CDKAL1: variants seen among roughly 807,000 people sequenced by gnomAD.
CDKAL1 encodes threonylcarbamoyladenosine tRNA methylthiotransferase.
In CDKAL1, 32 loss-of-function variants were observed where a neutral mutation model predicts 68.2. The ratio of observed to expected loss-of-function variants is 0.47; its 90% CI spans 0.35 to 0.63. CDKAL1 has a LOEUF of 0.63. Among genes scored for constraint, CDKAL1 ranks in the 30% least tolerant of loss-of-function variants. The pLI is 0.00. For synonymous variants in CDKAL1, 234 were observed against 244.3 expected, an observed-to-expected ratio of 0.96 and a Z score of 0.39; for missense variants, 606 against 696.7, an observed-to-expected ratio of 0.87 and a Z score of 1.47.
chr6:20,569,333 G>A (rs1764605266), intron 4 of CDKAL1, among the ~76,000 whole-genome samples: 1 of 152,176 alleles, frequency 6.6e-6, no homozygotes, highest in African/African-American at 2.4e-5. Context: ...AATAAAATAG[G>A]CACATTGTTC....
chr6:20,949,065 T>C (rs754142538), intron 9 of CDKAL1, among the ~76,000 whole-genome samples: 13 of 152,212 alleles, frequency 8.5e-5, no homozygotes, highest in Non-Finnish European at 1.3e-4. Context: ...CAGATAGCAG[T>C]AAGGTCTGGA....
rs111231639 is a variant in CDKAL1 at position 20,543,137 on chromosome 6, C to T, written c.-5-3209C>T. ...GAAAGCTGCTGTGAACATTCATGTA[C>T]AGGTCTTTGTCTGAATACAAGTCTT... On this transcript the variant is annotated intron_variant, in intron 2 of 15. Coordinates refer to ENST00000274695, the MANE Select transcript of CDKAL1 (RefSeq NM_017774.3). Among the ~76,000 whole-genome samples the T allele has an allele frequency of 4.1e-4, 62 of 152,294 alleles. 3 individuals carry two copies. Among genetic ancestry groups the T allele is most frequent in the African/African-American group, 1.4e-3 (59 of 41,538 alleles).
At chr6:20,593,570 T>C (rs2127703256) in intron 4 of CDKAL1, among the ~76,000 whole-genome samples, 1 of 151,838 alleles carries the variant, frequency 6.6e-6, no homozygotes, top group African/African-American at 2.4e-5. Flanking sequence ...TTTTCTTCTT[T>C]ATTAGTTTGG....
chr6:20,748,555 G>GAAAAA (rs760404728), intron 6 of CDKAL1, among the ~76,000 whole-genome samples: 2 of 28,766 alleles, frequency 7.0e-5, no homozygotes, highest in Non-Finnish European at 1.4e-4. Flanking sequence ...TCTGTTTCTG[G>GAAAAA]AAAAAAAAAA....
chr6:20,747,962 A>G (rs1361400174), intron 6 of CDKAL1, among the ~76,000 whole-genome samples: 1 of 152,236 alleles, frequency 6.6e-6, no homozygotes, highest in African/African-American at 2.4e-5. Flanking sequence ...GTTTTCTCCC[A>G]GGAATTTCAC....
chr6:21,185,931 A>G (rs1235699492), intron 13 of CDKAL1, among the ~76,000 whole-genome samples: 1 of 152,140 alleles, frequency 6.6e-6, no homozygotes, highest in Non-Finnish European at 1.5e-5. Flanking sequence ...CAGGAGAGGA[A>G]ATCAGAATAA....
rs570944076 is a variant in CDKAL1 at position 20,784,654 on chromosome 6, A to C, written c.638+3389A>C. On this transcript the variant is annotated intron_variant, in intron 8 of 15. Transcript: ENST00000274695. ...TGGCCAGGCTGGTCTCGAACTCCTGACCTTGTGATCCACGCACCTCGGTCT... is the reference window on the plus strand; with the variant it reads ...TGGCCAGGCTGGTCTCGAACTCCTGCCCTTGTGATCCACGCACCTCGGTCT... 1.5e-4 allele frequency among the ~76,000 whole-genome samples: 22 copies of C among 151,038 alleles called. 1 individual carries two copies. The South Asian group carries it at 3.1e-3, about 21-fold the overall frequency.
At chr6:21,093,612 C>T (rs554908567) in intron 12 of CDKAL1, among the ~76,000 whole-genome samples, 5 of 147,672 alleles carry the variant, frequency 3.4e-5, no homozygotes, top group African/African-American at 2.5e-5. Flanking sequence ...GCACTTCTTG[C>T]GAGGTGATTT....
At chr6:20,698,546 G>A (rs1430727055) in intron 5 of CDKAL1, among the ~76,000 whole-genome samples, 1 of 152,004 alleles carries the variant, frequency 6.6e-6, no homozygotes, top group Non-Finnish European at 1.5e-5. Flanking sequence ...TTTGATCCTT[G>A]GCAGTTTTGG....
At chr6:21,109,831 A>G (rs532299915) in intron 13 of CDKAL1, among the ~76,000 whole-genome samples, 28 of 152,362 alleles carry the variant, frequency 1.8e-4, no homozygotes, top group African/African-American at 6.7e-4. Flanking sequence ...CAACAACAAA[A>G]AAGGCGATGG....
chr6:21,182,953 A>G (rs1203776897), intron 13 of CDKAL1, among the ~76,000 whole-genome samples: 1 of 152,164 alleles, frequency 6.6e-6, no homozygotes, highest in African/African-American at 2.4e-5. Context: ...TATCATTACC[A>G]TATCCTCATT....
rs533447286 is a variant in CDKAL1, at chr6:20,773,647, A to C, written c.518-7498A>C. Among the ~76,000 whole-genome samples, 743 of 151,994 alleles carry C rather than the reference A, an allele frequency of 4.9e-3. 28 individuals are homozygous for C. Among genetic ancestry groups the C allele is most frequent in the Admixed American group, 0.04 (611 of 15,264 alleles). On this transcript the variant is annotated intron_variant, in intron 7 of 15. Coordinates refer to ENST00000274695, the MANE Select transcript of CDKAL1 (RefSeq NM_017774.3). ...ACTGCAAGCTCCACCTTCTGGGTTCACGCCATTCTCCTGCCTCAGCCTCCC... is the reference window on the plus strand; with the variant it reads ...ACTGCAAGCTCCACCTTCTGGGTTCCCGCCATTCTCCTGCCTCAGCCTCCC...
chr6:20,591,024 T>G (rs1489914224), intron 4 of CDKAL1, among the ~76,000 whole-genome samples: 1 of 152,192 alleles, frequency 6.6e-6, no homozygotes, highest in Non-Finnish European at 1.5e-5. Flanking sequence ...ATCTGTTGTT[T>G]CCTGACTTTT....
intron 11 of CDKAL1, among the ~76,000 whole-genome samples, chr6:21,012,832 G>A (rs1213879381): frequency 6.6e-6 from 1 of 152,156 alleles, no homozygotes; most frequent in Admixed American, 6.5e-5. Context: ...TCTCGTACCA[G>A]CATGAGCCCC....
chr6:21,219,228 A>C (rs1779447777), intron 15 of CDKAL1, among the ~76,000 whole-genome samples: 1 of 152,218 alleles, frequency 6.6e-6, no homozygotes, highest in Non-Finnish European at 1.5e-5. Context: ...ATGGATGTTC[A>C]AATTCCTTAT....
intron 9 of CDKAL1, among the ~76,000 whole-genome samples, chr6:20,857,817 C>T (rs1455286864): frequency 6.6e-6 from 1 of 152,118 alleles, no homozygotes; most frequent in Admixed American, 6.5e-5. Context: ...GATATAGGCC[C>T]CAGCTCCATT....
intron 5 of CDKAL1, among the ~76,000 whole-genome samples, chr6:20,657,543 C>A (rs1340743540): frequency 6.6e-6 from 1 of 152,146 alleles, no homozygotes; most frequent in African/African-American, 2.4e-5. Flanking sequence ...TTCTCTTGAG[C>A]CACCACACAA....
intron 14 of CDKAL1, among the ~76,000 whole-genome samples, chr6:21,199,918 C>A (rs145438487): frequency 3.2e-4 from 48 of 152,286 alleles, no homozygotes; most frequent in African/African-American, 1.1e-3. Flanking sequence ...CAAACTCAGA[C>A]CAAGATTCAA....
At chr6:20,860,533 A>G (rs189688250) in intron 9 of CDKAL1, among the ~76,000 whole-genome samples, 112 of 152,322 alleles carry the variant, frequency 7.4e-4, no homozygotes, top group Non-Finnish European at 1.2e-3. Context: ...CCCATAATAA[A>G]TACTTGCTGG....
Sources: allele counts gnomAD v4.1 joint callset (sites outside exome capture counted in the v4.1 genomes callset), GRCh38; gene constraint gnomAD v4.1.1; transcripts MANE v1.5; gene names NCBI Gene and HGNC (gene_info 2026-07-23, HGNC 2026-07-21).